The following LYPLAL1 variants were observed in gnomAD, a reference collection of about 807,000 sequenced individuals.
The protein encoded by LYPLAL1 is lysophospholipase-like protein 1.
LYPLAL1 carries 23 observed loss-of-function variants against 19.7 expected under a neutral mutation model. The ratio of observed to expected loss-of-function variants is 1.17; its 90% CI spans 0.84 to 1.65. LYPLAL1 has a LOEUF of 1.65. Ranked by LOEUF, LYPLAL1 falls within the 40% of genes most tolerant of loss-of-function variation. LYPLAL1 has a pLI of 0.00. For missense variants in LYPLAL1, 355 were observed against 279.4 expected, an observed-to-expected ratio of 1.27 and a Z score of -1.93; for synonymous variants, 119 against 96.3, an observed-to-expected ratio of 1.24 and a Z score of -1.38.
chr1:219,302,479 C>T, the LYPLAL1 span, among the ~76,000 whole-genome samples: 6 of 152,274 alleles, frequency 3.9e-5, no homozygotes, highest in East Asian at 9.6e-4. Context: ...AGGAGGAGCA[C>T]GGTCCTCAGA....
the LYPLAL1 span, among the ~76,000 whole-genome samples, chr1:219,306,849 T>TAGATAGATAGATAGATAGACAGAC: frequency 1.5e-5 from 2 of 135,304 alleles, no homozygotes; most frequent in Non-Finnish European, 3.1e-5. Context: ...GATAGATAGA[T>TAGATAGATAGATAGATAGACAGAC]AGACAGACAG....
the LYPLAL1 span, among the ~76,000 whole-genome samples, chr1:219,252,776 A>G: frequency 1.3e-5 from 2 of 152,088 alleles, no homozygotes; most frequent in Admixed American, 6.6e-5. Context: ...AGGTTTTGGT[A>G]TCAAGATAAT....
chr1:219,275,008 CT>C, the LYPLAL1 span, among the ~76,000 whole-genome samples: 1 of 152,178 alleles, frequency 6.6e-6, no homozygotes, highest in Non-Finnish European at 1.5e-5. Context: ...TCCCTTCAGT[CT>C]GATGAAAATC....
chr1:219,205,736 CG>C (rs1317896840), intron 3 of LYPLAL1, among the ~76,000 whole-genome samples: 1 of 152,130 alleles, frequency 6.6e-6, no homozygotes, highest in Non-Finnish European at 1.5e-5. Flanking sequence ...AACTTGTACA[CG>C]TTTTCTCTAT....
intron 3 of LYPLAL1, chr1:219,193,458 A>AAT (rs147155963): frequency 0.018 from 5,667 of 314,588 alleles, 92 homozygotes; most frequent in South Asian, 0.056. Context: ...CTTTTTGAAT[A>AAT]ATAACGGATT....
At chr1:219,327,886 AC>A in the LYPLAL1 span, among the ~76,000 whole-genome samples, 1 of 152,180 alleles carries the variant, frequency 6.6e-6, no homozygotes, top group Non-Finnish European at 1.5e-5. Context: ...CTCCCCAGCC[AC>A]GTGAAACTGA....
the LYPLAL1 span, among the ~76,000 whole-genome samples, chr1:219,307,023 C>CATATATATATAT: frequency 2.7e-4 from 32 of 119,456 alleles, no homozygotes; most frequent in African/African-American, 8.5e-4. Context: ...TATACACATA[C>CATATATATATAT]ATATATATAT....
In LYPLAL1 at chr1:219,211,832, CCTGA is replaced by C; in HGVS notation, c.*107_*110del. The C allele has an allele frequency of 1.3e-6, 1 of 741,806 alleles. No individual in the cohort carries two copies. The highest frequency in any genetic ancestry group is 2.1e-6 in the Non-Finnish European group (1 of 475,406). The allele number at this position is 741,806 out of a possible 1,614,324, so 46.0% of individuals were successfully genotyped here. ...TTAAAATATTAAGAAATAACACTTTCCTGACTTTTTTATTATTAAAATGCTTATC... is the reference window on the plus strand; with the variant it reads ...TTAAAATATTAAGAAATAACACTTTCCTTTTTTATTATTAAAATGCTTATC... On this transcript the variant is annotated 3_prime_UTR_variant, in exon 5 of 5. Coordinates refer to ENST00000366928, the MANE Select transcript of LYPLAL1 (RefSeq NM_138794.5).
At chr1:219,350,883 A>C in the LYPLAL1 span, among the ~76,000 whole-genome samples, 1 of 152,182 alleles carries the variant, frequency 6.6e-6, no homozygotes, top group Non-Finnish European at 1.5e-5. Context: ...AGCTTGATCC[A>C]TCTTCTGGCA....
chr1:219,276,973 A>G, the LYPLAL1 span, among the ~76,000 whole-genome samples: 5 of 152,340 alleles, frequency 3.3e-5, no homozygotes, highest in East Asian at 5.8e-4. Flanking sequence ...AATTACCCCA[A>G]TGACTTCCAT....
At chr1:219,422,748 A>G in the LYPLAL1 span, among the ~76,000 whole-genome samples, 1 of 152,122 alleles carries the variant, frequency 6.6e-6, no homozygotes, top group African/African-American at 2.4e-5. Flanking sequence ...ATGCTTGGGG[A>G]GCAGGCTTTT....
chr1:219,190,421 T>C (rs1316591200), intron 2 of LYPLAL1, among the ~76,000 whole-genome samples: 4 of 151,436 alleles, frequency 2.6e-5, no homozygotes, highest in Non-Finnish European at 5.9e-5. Flanking sequence ...TTTGAATCCT[T>C]AGGTTACTCC....
the LYPLAL1 span, among the ~76,000 whole-genome samples, chr1:219,375,567 T>C: frequency 6.9e-6 from 1 of 145,768 alleles, no homozygotes; most frequent in Non-Finnish European, 1.5e-5. Flanking sequence ...GAAAAGAGGA[T>C]AGGTTTTGGT....
At chr1:219,406,341 C>T in the LYPLAL1 span, among the ~76,000 whole-genome samples, 2 of 152,084 alleles carry the variant, frequency 1.3e-5, no homozygotes, top group African/African-American at 2.4e-5. Flanking sequence ...AAAAACATAT[C>T]GCACAGGTTT....
chr1:219,316,875 T>C, the LYPLAL1 span, among the ~76,000 whole-genome samples: 1 of 152,080 alleles, frequency 6.6e-6, no homozygotes, highest in Non-Finnish European at 1.5e-5. Context: ...TAAATGGTGA[T>C]CATTAGGGGC....
the LYPLAL1 span, among the ~76,000 whole-genome samples, chr1:219,292,432 T>A: frequency 6.6e-6 from 1 of 152,172 alleles, no homozygotes; most frequent in South Asian, 2.1e-4. Context: ...CCCAACTTAG[T>A]TAGGAAGATC....
At chr1:219,355,864 A>G in the LYPLAL1 span, among the ~76,000 whole-genome samples, 1 of 152,234 alleles carries the variant, frequency 6.6e-6, no homozygotes, top group South Asian at 2.1e-4. Flanking sequence ...ATACTTCTAA[A>G]TAAATAGGAC....
At chr1:219,397,897 G>A in the LYPLAL1 span, among the ~76,000 whole-genome samples, 129 of 152,282 alleles carry the variant, frequency 8.5e-4, 1 homozygote, top group Middle Eastern at 3.4e-3. Flanking sequence ...CTTCTGACTT[G>A]TAAGGTTTCT....
chr1:219,268,216 T>A, the LYPLAL1 span, among the ~76,000 whole-genome samples: 2 of 150,930 alleles, frequency 1.3e-5, no homozygotes, highest in Non-Finnish European at 1.5e-5. Context: ...TAGGAGGTGG[T>A]AAATGCTAAG....
Sources: allele counts gnomAD v4.1 joint callset (sites outside exome capture counted in the v4.1 genomes callset), GRCh38; gene constraint gnomAD v4.1.1; transcripts MANE v1.5; gene names NCBI Gene and HGNC (gene_info 2026-07-23, HGNC 2026-07-21).